The following ANGPTL4 variants were observed in gnomAD, a reference collection of about 807,000 sequenced individuals.
The protein encoded by ANGPTL4 is angiopoietin like 4.
A neutral mutation model predicts 39.2 loss-of-function variants in ANGPTL4; 39 were observed. The ratio of observed to expected loss-of-function variants is 1.00; its 90% CI spans 0.77 to 1.30. The LOEUF is 1.30. Among genes scored for constraint, ANGPTL4 ranks in the 50% most tolerant of loss-of-function variants. The probability of loss-of-function intolerance (pLI) is 0.00; values close to 1 mark genes in which losing one functional copy is unlikely to be tolerated. For synonymous variants in ANGPTL4, 233 were observed against 229.5 expected (o/e 1.02, Z -0.14); for missense variants, 545 against 549.8 (o/e 0.99, Z 0.09).
chr19:8,370,876 TC>T (rs1337304718), intron 4 of ANGPTL4, among the ~76,000 whole-genome samples, 179 bp from the exon 5 acceptor site: 1 of 152,030 alleles, frequency 6.6e-6, no homozygotes, highest in Non-Finnish European at 1.5e-5. Flanking sequence ...ACAAAGATCT[TC>T]CCAAGGCCAG....
At chr19:8,368,325 T>C (rs1187667938) in intron 3 of ANGPTL4, among the ~76,000 whole-genome samples, 1 of 152,164 alleles carries the variant, frequency 6.6e-6, no homozygotes, top group Non-Finnish European at 1.5e-5. Flanking sequence ...AAGTCTTTAT[T>C]GAGCAGCTGC....
Position 8,374,270 on chromosome 19 carries a change from G to C in ANGPTL4, c.*384G>C, listed in dbSNP as rs1971190027. 3.5e-6 allele frequency: 1 copy of C among 287,708 alleles called. No individual in the cohort carries two copies. The highest frequency in any genetic ancestry group is 2.2e-5 in the African/African-American group (1 of 45,980). 17.8% of individuals were successfully genotyped at this position (287,708 alleles called of 1,614,324 possible). A position where few individuals can be genotyped will look rare whatever the true frequency, so the allele number is the denominator to read the frequency against. On this transcript the variant is annotated 3_prime_UTR_variant, in exon 7 of 7. Transcript: ENST00000301455. ...TGTGGGTCGAGAGCGCCCTCATGGTGCTGGTGCTGTTGTGTGTAGGTCCCC... is the reference window on the plus strand; with the variant it reads ...TGTGGGTCGAGAGCGCCCTCATGGTCCTGGTGCTGTTGTGTGTAGGTCCCC...
At position 8,365,863 on chromosome 19, in the gene ANGPTL4, G is replaced by T. The variant is rs1003360270; in HGVS notation, c.319-91G>T. 1.0e-5 allele frequency: 10 copies of T among 975,100 alleles called. No homozygotes were observed. In the East Asian group the frequency reaches 2.4e-4, roughly 24 times the overall value. The allele number at this position is 975,100 out of a possible 1,614,324, so 60.4% of individuals were successfully genotyped here. On this transcript the variant is annotated intron_variant, in intron 1 of 6. Coordinates refer to ENST00000301455, the MANE Select transcript of ANGPTL4 (RefSeq NM_139314.3). Reference sequence around the variant, plus strand: ...AAAGACTCCCTTGCCTGGCCTCAGCGGATGGAGATTTGGAAGGATGGATGA... The same window carrying T: ...AAAGACTCCCTTGCCTGGCCTCAGCTGATGGAGATTTGGAAGGATGGATGA...
Position 8,369,426 on chromosome 19 carries a change from C to T in ANGPTL4, c.661+94C>T, listed in dbSNP as rs545242730. On this transcript the variant is annotated intron_variant, in intron 4 of 6. Transcript: ENST00000301455. ...CAAAACAAAACAAAAAAATTAAAGGCAGGGTCTTGCTATGTTGCCCAAGCT... is the reference window on the plus strand; with the variant it reads ...CAAAACAAAACAAAAAAATTAAAGGTAGGGTCTTGCTATGTTGCCCAAGCT... 7.5e-6 allele frequency: 7 copies of T among 936,352 alleles called. No homozygotes were observed. In the African/African-American group the frequency reaches 1.2e-4, roughly 16 times the overall value. The allele number at this position is 936,352 out of a possible 1,614,324, so 58.0% of individuals were successfully genotyped here.
chr19:8,369,304 A>T lies in ANGPTL4; in HGVS notation c.633A>T (p.Pro211=), dbSNP rs754257420. ...LFEIQPQGSP[P]FLVNCKMTSD... ...AAATCCAGCCTCAGGGGTCTCCGCC[A>T]TTTTTGGTGAACTGCAAGATGACCT... is the stretch of plus-strand genomic sequence containing the variant. Residue 211 remains proline (P), a synonymous_variant, in exon 4 of 7, where the codon CCA becomes CCT. Transcript: ENST00000301455. 1.9e-6 allele frequency: 3 copies of T among 1,612,112 alleles called. No individual in the cohort carries two copies. Among genetic ancestry groups the T allele is most frequent in the Non-Finnish European group, 2.5e-6 (3 of 1,179,690 alleles).
Position 8,373,907 on chromosome 19 carries a change from C to G in ANGPTL4, c.*21C>G. 6.2e-7 allele frequency: 1 copy of G among 1,611,390 alleles called. No homozygotes were observed. The highest frequency in any genetic ancestry group is 8.5e-7 in the Non-Finnish European group (1 of 1,179,184). On this transcript the variant is annotated 3_prime_UTR_variant, in exon 7 of 7. Transcript: ENST00000301455. ...CCTAGCGTCCTGGCTGGGCCTGGTC[C>G]CAGGCCCACGAAAGACGGTGACTCT...
chr19:8,374,252 C>T lies in ANGPTL4; in HGVS notation c.*366C>T, dbSNP rs368522340. On this transcript the variant is annotated 3_prime_UTR_variant, in exon 7 of 7. Transcript: ENST00000301455. ...GACGGGGACCAGGGCTTGTGTGGGTCGAGAGCGCCCTCATGGTGCTGGTGC... is the reference window on the plus strand; with the variant it reads ...GACGGGGACCAGGGCTTGTGTGGGTTGAGAGCGCCCTCATGGTGCTGGTGC... The T allele has an allele frequency of 1.6e-4, 48 of 305,672 alleles. 1 individual carries two copies. Among genetic ancestry groups the T allele is most frequent in the Non-Finnish European group, 2.5e-4 (39 of 157,220 alleles). The allele number at this position is 305,672 out of a possible 1,614,324, so 18.9% of individuals were successfully genotyped here.
chr19:8,368,912 T>C (rs1210852005), intron 3 of ANGPTL4, among the ~76,000 whole-genome samples: 2 of 152,112 alleles, frequency 1.3e-5, no homozygotes. Context: ...GCAAAGTCCC[T>C]GTGGCAGGAC....
chr19:8,366,094 C>T lies in ANGPTL4; in HGVS notation c.429+30C>T, dbSNP rs898783345. 2.1e-5 allele frequency: 34 copies of T among 1,611,148 alleles called. No homozygotes were observed. In the East Asian group the frequency reaches 7.6e-4, roughly 36 times the overall value. On this transcript the variant is annotated intron_variant, in intron 2 of 6. Transcript: ENST00000301455. ...CCCTAGGATCAAGGGAGAAAAGGTCCCTCTGATAGCTGGACCCCAGGTTGA... is the reference window on the plus strand; with the variant it reads ...CCCTAGGATCAAGGGAGAAAAGGTCTCTCTGATAGCTGGACCCCAGGTTGA...
Position 8,364,889 on chromosome 19 carries a change from TA to T in ANGPTL4, c.318+253del, listed in dbSNP as rs1423403279. Among the ~76,000 whole-genome samples, 3 of 147,632 alleles carry T rather than the reference TA, an allele frequency of 2.0e-5. No homozygotes were observed. The Admixed American group carries it at 2.0e-4, about 10-fold the overall frequency. ...CACACACACACACACACACACAAAA[TA>T]AATAAAATAAAATAAAATAAATATA... On this transcript the variant is annotated intron_variant, in intron 1 of 6. Transcript: ENST00000301455.
rs1971124927 is a variant in ANGPTL4, at chr19:8,371,732, C to T, written c.1039+210C>T. Among the ~76,000 whole-genome samples, 1 of 152,088 alleles carries T rather than the reference C, an allele frequency of 6.6e-6. No homozygotes were observed. Among genetic ancestry groups the T allele is most frequent in the Non-Finnish European group, 1.5e-5 (1 of 68,006 alleles). ...TCTTGACCGTCTTTACTTTTATTTA[C>T]TTATGTGTTTGTTTATTTATTTATT... On this transcript the variant is annotated intron_variant, in intron 6 of 6. Coordinates refer to ENST00000301455, the MANE Select transcript of ANGPTL4 (RefSeq NM_139314.3). The surrounding 1 kb of genome is among the most constrained non-coding windows in gnomAD (Gnocchi z 5.1).
At chr19:8,370,347 C>T (rs921825656) in intron 4 of ANGPTL4, among the ~76,000 whole-genome samples, 1 of 151,708 alleles carries the variant, frequency 6.6e-6, no homozygotes, top group African/African-American at 2.4e-5. Flanking sequence ...TAAAGGCTGC[C>T]GTGAGCCGTG....
chr19:8,370,909 A>C (rs759927604), intron 4 of ANGPTL4, 147 bp from the exon 5 acceptor site: 1 of 872,754 alleles, frequency 1.1e-6, no homozygotes, highest in African/African-American at 1.7e-5. Context: ...CCTCCCTCTG[A>C]CCCACCCTCC....
rs577794015 is a variant in ANGPTL4, at chr19:8,367,284, G to A, written c.547+965G>A. The stretch of plus-strand genomic sequence containing the variant: ...CCCAAAGCCACCATCCCAGGATGAG[G>A]GGCTTCTGGAGGGTGACGGGGGAAG... On this transcript the variant is annotated intron_variant, in intron 3 of 6. Coordinates refer to ENST00000301455, the MANE Select transcript of ANGPTL4 (RefSeq NM_139314.3). Among the ~76,000 whole-genome samples the A allele has an allele frequency of 4.9e-4, 75 of 152,150 alleles. No homozygotes were observed. In the Middle Eastern group the frequency reaches 0.01, roughly 21 times the overall value.
chr19:8,365,027 T>C (rs1313792694), intron 1 of ANGPTL4, among the ~76,000 whole-genome samples: 4 of 151,952 alleles, frequency 2.6e-5, no homozygotes, highest in African/African-American at 9.7e-5. Flanking sequence ...AAAATTAGCC[T>C]GGCATGGTGT....
chr19:8,371,022 G>A lies in ANGPTL4; in HGVS notation c.662-34G>A, dbSNP rs749291750. ...AGGGAGTGGGGTCGTCTGTGAAGAG[G>A]GACTTCCTGGTGACCTTGTACCTTT... is the stretch of plus-strand genomic sequence containing the variant. On this transcript the variant is annotated intron_variant, in intron 4 of 6. Coordinates refer to ENST00000301455, the MANE Select transcript of ANGPTL4 (RefSeq NM_139314.3). The surrounding 1 kb of genome is among the most constrained non-coding windows in gnomAD (Gnocchi z 5.1). 1.9e-5 allele frequency: 29 copies of A among 1,559,346 alleles called. No homozygotes were observed. Among genetic ancestry groups the A allele is most frequent in the Non-Finnish European group, 2.5e-5 (29 of 1,150,924 alleles).
In ANGPTL4 at chr19:8,364,321, G is replaced by T; in HGVS notation, c.-1G>T. On this transcript the variant is annotated 5_prime_UTR_variant, in exon 1 of 7. Transcript: ENST00000301455. ...TCCCCGCTCCCAGGCTACCTAAGAGGATGAGCGGTGCTCCGACGGCCGGGG... is the reference window on the plus strand; with the variant it reads ...TCCCCGCTCCCAGGCTACCTAAGAGTATGAGCGGTGCTCCGACGGCCGGGG... 6.5e-7 allele frequency: 1 copy of T among 1,543,218 alleles called. No homozygotes were observed. The highest frequency in any genetic ancestry group is 1.2e-5 in the South Asian group (1 of 84,450).
In ANGPTL4 at chr19:8,371,490, G is replaced by T; in HGVS notation, c.1007G>T (p.Arg336Leu). 1 of 1,613,070 alleles carries T rather than the reference G, an allele frequency of 6.2e-7. No homozygotes were observed. Among genetic ancestry groups the T allele is most frequent in the South Asian group, 1.1e-5 (1 of 91,072 alleles). The change falls in exon 6 of 7, where the codon CGC becomes CTC. Residue 336 changes from arginine to leucine, a missense_variant. Arg to Leu is a moderately radical substitution (Grantham distance 102). Coordinates refer to ENST00000301455, the MANE Select transcript of ANGPTL4 (RefSeq NM_139314.3). This position sits in a 1 kb window ranked among gnomAD's most constrained non-coding sequence, Gnocchi z 5.1. ...ACTTGGGACCAGGATCACGACCTCC[G>T]CAGGGACAAGAACTGCGCCAAGAGC... ...FSTWDQDHDL[R>L]RDKNCAKSLS...
At chr19:8,370,974 G>T (rs1271044531) in intron 4 of ANGPTL4, 82 bp from the exon 5 acceptor site, 1 of 1,477,074 alleles carries the variant, frequency 6.8e-7, no homozygotes, top group African/African-American at 1.4e-5. Context: ...TTTGGAGGGG[G>T]TTTGGTGCTT....
Sources: gnomAD v4.1 joint callset for allele counts (sites outside exome capture counted in the v4.1 genomes callset) on GRCh38, gnomAD v4.1.1 for gene constraint, Gnocchi (gnomAD v3.1) non-coding constraint, MANE v1.5 for transcripts, NCBI Gene and HGNC (gene_info 2026-07-23, HGNC 2026-07-21) for gene names.